MCTP1: variants seen among roughly 807,000 people sequenced by gnomAD.
MCTP1 encodes the protein multiple C2 and transmembrane domain-containing protein 1.
MCTP1 carries 69 observed loss-of-function variants against 120.6 expected under a neutral mutation model. The observed-to-expected ratio is 0.57, with a 90% CI of 0.47 to 0.70. MCTP1 has a LOEUF of 0.70. MCTP1 is among the 30% of genes least tolerant of loss of function. The pLI is 0.00. For missense variants in MCTP1, 1,203 were observed against 1,248.8 expected, an observed-to-expected ratio of 0.96 and a Z score of 0.55; for synonymous variants, 529 against 493.1, an observed-to-expected ratio of 1.07 and a Z score of -0.96.
chr5:95,106,484 G>C (rs900840779), intron 1 of MCTP1, among the ~76,000 whole-genome samples: 9 of 152,214 alleles, frequency 5.9e-5, no homozygotes, highest in Admixed American at 1.3e-4. Context: ...ATCCTGTTGA[G>C]TCTGAAGCCA....
At chr5:94,812,683 G>C (rs1449720671) in intron 17 of MCTP1, among the ~76,000 whole-genome samples, 1 of 151,728 alleles carries the variant, frequency 6.6e-6, no homozygotes. Context: ...TGATCGCTTA[G>C]CCCAGGAGTT....
chr5:94,888,784 G>C, intron 12 of MCTP1, 95 bp downstream of exon 12: 1 of 667,278 alleles, frequency 1.5e-6, no homozygotes, highest in South Asian at 2.2e-5. Flanking sequence ...TTATTTTGAT[G>C]ATCCATCAGG....
chr5:95,284,937 T>C lies in MCTP1; in HGVS notation c.-362A>G, dbSNP rs1051085217. Among the ~76,000 whole-genome samples, 2 of 152,026 alleles carry C rather than the reference T, an allele frequency of 1.3e-5. No homozygotes were observed. Among genetic ancestry groups the C allele is most frequent in the African/African-American group, 4.8e-5 (2 of 41,428 alleles). On this transcript the variant is annotated 5_prime_UTR_variant, in exon 1 of 23. Coordinates refer to ENST00000515393, the MANE Select transcript of MCTP1 (RefSeq NM_024717.7). The surrounding 1 kb of genome is among the most constrained non-coding windows in gnomAD (Gnocchi z 5.2). ...CCCCAGGCCGCGCCCTGGCTCCCTCTTCTCTCTGACCGAGCTCGGGAAGCT... is the reference window on the plus strand; with the variant it reads ...CCCCAGGCCGCGCCCTGGCTCCCTCCTCTCTCTGACCGAGCTCGGGAAGCT...
intron 2 of MCTP1, among the ~76,000 whole-genome samples, chr5:95,010,562 T>C (rs1835733160): frequency 6.6e-6 from 1 of 152,182 alleles, no homozygotes; most frequent in Non-Finnish European, 1.5e-5. Flanking sequence ...TTGTTTTATC[T>C]ATTTAAATAT....
At chr5:94,970,636 T>C (rs1826604985) in intron 2 of MCTP1, among the ~76,000 whole-genome samples, 1 of 152,064 alleles carries the variant, frequency 6.6e-6, no homozygotes. Context: ...AGTGACTCAG[T>C]AGATACAATA....
chr5:94,717,646 A>AAG (rs1672888819), intron 19 of MCTP1, among the ~76,000 whole-genome samples: 2 of 152,114 alleles, frequency 1.3e-5, no homozygotes, highest in Admixed American at 6.6e-5. Context: ...CCTAAAGCTT[A>AAG]AGCTGATAAG....
intron 11 of MCTP1, 127 bp from the exon 12 acceptor site, chr5:94,889,099 A>G: frequency 1.7e-6 from 1 of 576,384 alleles, no homozygotes; most frequent in Non-Finnish European, 3.0e-6. Context: ...ACATTAAACT[A>G]ACTAATTTTT....
intron 1 of MCTP1, among the ~76,000 whole-genome samples, chr5:95,140,879 CA>C (rs33910299): frequency 0.057 from 2,571 of 45,052 alleles, 6 homozygotes; most frequent in African/African-American, 0.11. Flanking sequence ...GACTCCGTCT[CA>C]AAAAAAAAAA....
intron 17 of MCTP1, among the ~76,000 whole-genome samples, chr5:94,833,795 TG>T (rs1384565840): frequency 6.6e-6 from 1 of 152,058 alleles, no homozygotes; most frequent in Non-Finnish European, 1.5e-5. Flanking sequence ...GAAGAAAAAT[TG>T]GGGTGGGTGA....
At chr5:94,811,464 G>T (rs1424219836) in intron 17 of MCTP1, among the ~76,000 whole-genome samples, 1 of 152,124 alleles carries the variant, frequency 6.6e-6, no homozygotes, top group Non-Finnish European at 1.5e-5. Flanking sequence ...ACAGTAAAAG[G>T]AAAGGCCCTG....
intron 1 of MCTP1, among the ~76,000 whole-genome samples, chr5:95,080,475 T>G (rs572960921): frequency 6.6e-6 from 1 of 152,330 alleles, no homozygotes; most frequent in South Asian, 2.1e-4. Context: ...GTATTCATAA[T>G]GCCAACCGTT....
At chr5:94,866,532 A>G (rs1293492827) in intron 17 of MCTP1, among the ~76,000 whole-genome samples, 1 of 134,894 alleles carries the variant, frequency 7.4e-6, no homozygotes, top group African/African-American at 2.8e-5. Flanking sequence ...CACCTTTACT[A>G]TGCCTGATTC....
intron 6 of MCTP1, 36 bp downstream of exon 6, chr5:94,931,902 TGATAGTTCTGCTCAA>T (rs1561878828): frequency 7.4e-7 from 1 of 1,353,436 alleles, no homozygotes; most frequent in African/African-American, 1.4e-5. Context: ...GGAAAGCAGA[TGATAGTTCTGCTCAA>T]CAAGAAAAGC....
At chr5:94,892,596 T>A (rs1802930215) in intron 11 of MCTP1, among the ~76,000 whole-genome samples, 1 of 152,150 alleles carries the variant, frequency 6.6e-6, no homozygotes, top group African/African-American at 2.4e-5. Flanking sequence ...TTTGTTTAAT[T>A]TGTGGGGCTT....
intron 1 of MCTP1, chr5:95,166,308 G>A (rs982482927): frequency 2.6e-5 from 4 of 152,074 alleles, no homozygotes; most frequent in African/African-American, 9.7e-5. Context: ...TCCAATCAAG[G>A]GAGCCTGGTC....
chr5:94,821,785 C>T (rs776877415), intron 17 of MCTP1, among the ~76,000 whole-genome samples: 35 of 152,070 alleles, frequency 2.3e-4, no homozygotes, highest in Non-Finnish European at 4.3e-4. Context: ...AAAAATTGGC[C>T]CATCCTATAT....
intron 2 of MCTP1, among the ~76,000 whole-genome samples, chr5:94,988,959 A>AC (rs1396108912): frequency 1.3e-5 from 2 of 152,014 alleles, no homozygotes; most frequent in African/African-American, 4.8e-5. Context: ...GGGGGAAACC[A>AC]CCCCCATGAT....
At chr5:95,181,478 A>C (rs1254821372) in intron 1 of MCTP1, among the ~76,000 whole-genome samples, 1 of 152,190 alleles carries the variant, frequency 6.6e-6, no homozygotes, top group Non-Finnish European at 1.5e-5. Context: ...GATGTCTTCC[A>C]TGATGACTTT....
intron 19 of MCTP1, among the ~76,000 whole-genome samples, chr5:94,773,883 A>G (rs1774664188): frequency 6.6e-6 from 1 of 151,646 alleles, no homozygotes. Flanking sequence ...ACAATTCAAG[A>G]TATTATTGTG....
Sources: allele counts gnomAD v4.1 joint callset (sites outside exome capture counted in the v4.1 genomes callset), GRCh38; gene constraint gnomAD v4.1.1; non-coding constraint Gnocchi (gnomAD v3.1); transcripts MANE v1.5; gene names NCBI Gene and HGNC (gene_info 2026-07-23, HGNC 2026-07-21).